Variants in KCNJ6 observed in about 807,000 individuals in gnomAD.
KCNJ6 encodes G protein-activated inward rectifier potassium channel 2.
A neutral mutation model predicts 34.2 loss-of-function variants in KCNJ6; 9 were observed. The ratio of observed to expected loss-of-function variants is 0.26; its 90% CI spans 0.16 to 0.46. KCNJ6 has a LOEUF of 0.46. Among genes scored for constraint, KCNJ6 ranks in the 20% least tolerant of loss-of-function variants. KCNJ6 has a pLI of 1.00. For missense variants in KCNJ6, 236 were observed against 531.3 expected, an observed-to-expected ratio of 0.44 and a Z score of 5.46; for synonymous variants, 196 against 207.1, an observed-to-expected ratio of 0.95 and a Z score of 0.46.
At chr21:37,804,648 C>G (rs1316737570) in intron 2 of KCNJ6, among the ~76,000 whole-genome samples, 1 of 152,092 alleles carries the variant, frequency 6.6e-6, no homozygotes, top group Admixed American at 6.6e-5. Context: ...ATTTAGCTCC[C>G]CCTTATAAGT....
intron 3 of KCNJ6, among the ~76,000 whole-genome samples, chr21:37,710,617 G>A (rs529298290): frequency 2.0e-5 from 3 of 152,344 alleles, no homozygotes; most frequent in African/African-American, 4.8e-5. Context: ...GTGGAAGTTC[G>A]TCAATCAGCA....
chr21:37,891,392 G>C (rs1046840843), intron 1 of KCNJ6, among the ~76,000 whole-genome samples: 2 of 152,070 alleles, frequency 1.3e-5, no homozygotes. Flanking sequence ...TGTACACTCT[G>C]CACTGTACAC....
chr21:37,806,742 C>T (rs529507853), intron 2 of KCNJ6, among the ~76,000 whole-genome samples: 29 of 152,226 alleles, frequency 1.9e-4, no homozygotes, highest in South Asian at 6.2e-4. Context: ...AATAGAACAA[C>T]GATAATATTT....
At chr21:37,669,425 A>T (rs1569442126) in intron 3 of KCNJ6, among the ~76,000 whole-genome samples, 1 of 152,150 alleles carries the variant, frequency 6.6e-6, no homozygotes, top group Non-Finnish European at 1.5e-5. Context: ...TAGTTTACAG[A>T]GTTTGCCTTT....
At chr21:37,687,000 A>C (rs2054618657) in intron 3 of KCNJ6, among the ~76,000 whole-genome samples, 1 of 152,220 alleles carries the variant, frequency 6.6e-6, no homozygotes, top group East Asian at 1.9e-4. Flanking sequence ...TGCTGAACGA[A>C]GCTAATTTCT....
At chr21:37,712,686 CCCTTCTCCTCCTCTCCT>C (rs2054765729) in intron 3 of KCNJ6, among the ~76,000 whole-genome samples, 1 of 73,796 alleles carries the variant, frequency 1.4e-5, no homozygotes, top group Admixed American at 1.4e-4. Context: ...CTCCTTCCTC[CCCTTCTCCTCCTCTCCT>C]TCCTCCCTTT....
At chr21:37,693,175 A>C (rs2123429927) in intron 3 of KCNJ6, among the ~76,000 whole-genome samples, 1 of 152,280 alleles carries the variant, frequency 6.6e-6, no homozygotes, top group South Asian at 2.1e-4. Flanking sequence ...TAATTTTTCG[A>C]GATAGATGGT....
intron 2 of KCNJ6, among the ~76,000 whole-genome samples, chr21:37,779,513 G>GC (rs2055159191): frequency 6.6e-6 from 1 of 152,136 alleles, no homozygotes; most frequent in African/African-American, 2.4e-5. Flanking sequence ...AGACCCCATT[G>GC]CACTTCTAGG....
intron 1 of KCNJ6, among the ~76,000 whole-genome samples, chr21:37,878,571 G>C (rs2055690615): frequency 1.3e-5 from 2 of 152,214 alleles, no homozygotes; most frequent in African/African-American, 4.8e-5. Context: ...AACCAGGACT[G>C]GCATGAAAGA....
intron 1 of KCNJ6, among the ~76,000 whole-genome samples, chr21:37,857,010 C>T (rs2055568708): frequency 1.3e-5 from 2 of 152,308 alleles, no homozygotes; most frequent in South Asian, 2.1e-4. Flanking sequence ...GGTGCCGATA[C>T]TCCAATGAAG....
chr21:37,639,832 G>T (rs2054373240), intron 3 of KCNJ6, among the ~76,000 whole-genome samples: 1 of 152,156 alleles, frequency 6.6e-6, no homozygotes, highest in Non-Finnish European at 1.5e-5. Context: ...GTTTAAAAGT[G>T]TGTGGCATTT....
intron 2 of KCNJ6, among the ~76,000 whole-genome samples, chr21:37,717,976 T>C (rs962958638): frequency 1.3e-5 from 2 of 152,214 alleles, no homozygotes; most frequent in African/African-American, 4.8e-5. Flanking sequence ...GAACCTGTTT[T>C]GAAAGGTTAA....
intron 2 of KCNJ6, among the ~76,000 whole-genome samples, chr21:37,801,541 C>A (rs1211954648): frequency 1.3e-5 from 2 of 152,200 alleles, no homozygotes; most frequent in African/African-American, 4.8e-5. Flanking sequence ...GCTCACCACC[C>A]TCCTTGGGTC....
At chr21:37,861,282 T>C (rs1439845366) in intron 1 of KCNJ6, among the ~76,000 whole-genome samples, 5 of 152,156 alleles carry the variant, frequency 3.3e-5, no homozygotes, top group Non-Finnish European at 7.4e-5. Flanking sequence ...AAGACCAAGG[T>C]TTCAGTGGGG....
chr21:37,827,795 T>A (rs2055406040), intron 2 of KCNJ6, among the ~76,000 whole-genome samples: 1 of 152,200 alleles, frequency 6.6e-6, no homozygotes, highest in Non-Finnish European at 1.5e-5. Flanking sequence ...TGTTAGTTTA[T>A]ATACACAGGG....
chr21:37,822,853 A>T (rs1302218447), intron 2 of KCNJ6, among the ~76,000 whole-genome samples: 1 of 152,208 alleles, frequency 6.6e-6, no homozygotes, highest in Non-Finnish European at 1.5e-5. Flanking sequence ...TTTCAGTGGA[A>T]TTGACACCAA....
intron 2 of KCNJ6, among the ~76,000 whole-genome samples, chr21:37,815,648 C>G (rs1365782663): frequency 6.6e-6 from 1 of 152,176 alleles, no homozygotes. Flanking sequence ...TCCACTTGGC[C>G]TTAGACAAGG....
chr21:37,734,839 A>AAGCAAT (rs2054904474), intron 2 of KCNJ6, among the ~76,000 whole-genome samples: 1 of 152,168 alleles, frequency 6.6e-6, no homozygotes, highest in Non-Finnish European at 1.5e-5. Context: ...TGATTGATAT[A>AAGCAAT]TATAATTGCT....
intron 1 of KCNJ6, among the ~76,000 whole-genome samples, chr21:37,845,047 C>T (rs73208109): frequency 0.011 from 1,622 of 152,188 alleles, 11 homozygotes; most frequent in Non-Finnish European, 0.017. Context: ...AGAAGTGGTC[C>T]GCTGCTTGCT....
Sources: gnomAD v4.1 joint callset for allele counts (sites outside exome capture counted in the v4.1 genomes callset) on GRCh38, gnomAD v4.1.1 for gene constraint, MANE v1.5 for transcripts, NCBI Gene and HGNC (gene_info 2026-07-23, HGNC 2026-07-21) for gene names.